Variants in DES observed in about 807,000 individuals in gnomAD.
The protein encoded by DES is desmin.
Under a neutral mutation model 55.1 loss-of-function variants are expected in DES, and 34 were observed. The observed-to-expected ratio is 0.62, with a 90% CI of 0.47 to 0.82. DES has a LOEUF of 0.82. DES is among the 40% of genes least tolerant of loss of function. The pLI is 0.00. For missense variants in DES, 596 were observed against 645.9 expected (o/e 0.92, Z 0.84); for synonymous variants, 259 against 270.8 (o/e 0.96, Z 0.43).
rs578066781 is a variant in DES, at chr2:219,418,628, G to C, written c.166G>C (p.Val56Leu). 72 of 1,601,674 alleles carry C rather than the reference G, an allele frequency of 4.5e-5. No homozygotes were observed. The African/African-American group carries it at 8.4e-4, about 19-fold the overall frequency. Residue 56 changes from valine to leucine, a missense_variant, in exon 1 of 9, where the codon GTG becomes CTG. Coordinates refer to ENST00000373960, the MANE Select transcript of DES (RefSeq NM_001927.4). ...SSSVTSRVYQ[V>L]SRTSGGAGGL... ...CTCGGTGACGTCCCGCGTGTACCAGGTGTCGCGCACGTCGGGCGGGGCCGG... is the reference window on the plus strand; with the variant it reads ...CTCGGTGACGTCCCGCGTGTACCAGCTGTCGCGCACGTCGGGCGGGGCCGG...
intron 6 of DES, among the ~76,000 whole-genome samples, chr2:219,422,631 A>AT (rs971142144): frequency 6.6e-6 from 1 of 151,778 alleles, no homozygotes; most frequent in African/African-American, 2.4e-5. Context: ...CACTCAGCTG[A>AT]TTTTTTGTAT....
Position 219,425,989 on chromosome 2 carries a change from A to G in DES, c.1412A>G (p.Ter471=). ...ACACAGCAGCAGCATGAAGTGCTCT[A>G]AAGACAGAGACCCTCTGCCACCAGA... ...EATQQQHEVL[*] is the part of the protein sequence containing the mutation. The change falls in exon 9 of 9, where the codon TAA becomes TGA. Residue 471 remains the stop codon, a stop_retained_variant. Transcript: ENST00000373960. The G allele has an allele frequency of 6.2e-7, 1 of 1,613,950 alleles. No individual in the cohort carries two copies. Among genetic ancestry groups the G allele is most frequent in the Non-Finnish European group, 8.5e-7 (1 of 1,179,962 alleles).
rs368453327 is a variant in DES, at chr2:219,420,925, C to T, written c.995C>T (p.Thr332Ile). 6.8e-6 allele frequency: 11 copies of T among 1,613,608 alleles called. No individual in the cohort carries two copies. The highest frequency in any genetic ancestry group is 9.3e-6 in the Non-Finnish European group (11 of 1,179,688). ...TACCGACACCAGATCCAGTCCTACA[C>T]CTGCGAGATTGACGCCCTGAAGGGC... ...MEYRHQIQSY[T>I]CEIDALKGTN... The change falls in exon 5 of 9, where the codon ACC (threonine) becomes ATC (isoleucine). Residue 332 changes from threonine to isoleucine, a missense_variant. Coordinates refer to ENST00000373960, the MANE Select transcript of DES (RefSeq NM_001927.4). This position sits in a 1 kb window ranked among gnomAD's most constrained non-coding sequence, Gnocchi z 6.0.
rs375709017 is a variant in DES at position 219,420,853 on chromosome 2, A to G, written c.923A>G (p.Asn308Ser). 1 of 1,613,566 alleles carries G rather than the reference A, an allele frequency of 6.2e-7. No homozygotes were observed. Among genetic ancestry groups the G allele is most frequent in the African/African-American group, 1.3e-5 (1 of 74,820 alleles). The change falls in exon 5 of 9, where the codon AAC (asparagine) becomes AGC (serine). Residue 308 changes from asparagine (N) to serine (S), a missense_variant. Physicochemically the swap from Asn to Ser is conservative, Grantham distance 46. Transcript: ENST00000373960. The surrounding 1 kb of genome is among the most constrained non-coding windows in gnomAD (Gnocchi z 6.0). Reference sequence around the variant, plus strand: ...GTGTCAGACCTGACCCAGGCAGCCAACAAGAACAACGACGCCCTGCGCCAG... The same window carrying G: ...GTGTCAGACCTGACCCAGGCAGCCAGCAAGAACAACGACGCCCTGCGCCAG... ...SKVSDLTQAA[N>S]KNNDALRQAK...
chr2:219,420,378 G>A lies in DES; in HGVS notation c.735+32G>A. On this transcript the variant is annotated intron_variant, in intron 3 of 8. Transcript: ENST00000373960. The surrounding 1 kb of genome is among the most constrained non-coding windows in gnomAD (Gnocchi z 6.0). ...CTTGGCCCCTCTTCCTGGGGTCACTGGGCCATGGGGAAAGCAGCCGGAAAG... is the reference window on the plus strand; with the variant it reads ...CTTGGCCCCTCTTCCTGGGGTCACTAGGCCATGGGGAAAGCAGCCGGAAAG... 6.2e-7 allele frequency: 1 copy of A among 1,612,888 alleles called. No individual in the cohort carries two copies. The highest frequency in any genetic ancestry group is 8.5e-7 in the Non-Finnish European group (1 of 1,179,492).
chr2:219,419,017 C>A lies in DES; in HGVS notation c.555C>A (p.Asp185Glu). The A allele has an allele frequency of 6.5e-7, 1 of 1,544,084 alleles. No individual in the cohort carries two copies. The highest frequency in any genetic ancestry group is 8.7e-7 in the Non-Finnish European group (1 of 1,147,212). The stretch of plus-strand genomic sequence containing the variant: ...ACGTCGAGCGCGACAACCTGCTCGA[C>A]GACCTGCAGCGGCTCAAGGCCAAGT... ...RVDVERDNLLDDLQRLKAKLQ... is the reference protein window; with the variant it reads ...RVDVERDNLLEDLQRLKAKLQ... The change falls in exon 1 of 9, where the codon GAC becomes GAA. Residue 185 changes from aspartate to glutamate, a missense_variant. Physicochemically the swap from Asp to Glu is conservative, Grantham distance 45. Transcript: ENST00000373960. This position sits in a 1 kb window ranked among gnomAD's most constrained non-coding sequence, Gnocchi z 4.3.
At chr2:219,425,404 A>C (rs1291908722) in intron 7 of DES, 1 of 505,540 alleles carries the variant, frequency 2.0e-6, no homozygotes, top group East Asian at 3.6e-5. Flanking sequence ...ACCCTCCTGC[A>C]CCATCCTGCA....
At chr2:219,423,970 A>G (rs1322248878) in intron 7 of DES, 150 bp downstream of exon 7, 3 of 821,850 alleles carry the variant, frequency 3.7e-6, no homozygotes, top group Non-Finnish European at 6.1e-6. Context: ...CACTGCGGGT[A>G]GGTGGGGGAG....
At position 219,423,786 on chromosome 2, in the gene DES, C is replaced by G. The variant is rs1438562691; in HGVS notation, c.1254C>G (p.Leu418=). ...LLEGEESRIN[L]PIQTYSALNF... is the part of the protein sequence containing the mutation. ...GTCTCTTCCCTTTTAGGATCAATCT[C>G]CCCATCCAGACCTACTCTGCCCTCA... The change falls in exon 7 of 9, where the codon CTC becomes CTG. Residue 418 remains leucine (L), a synonymous_variant. Coordinates refer to ENST00000373960, the MANE Select transcript of DES (RefSeq NM_001927.4). 6.2e-7 allele frequency: 1 copy of G among 1,613,854 alleles called. No individual in the cohort carries two copies.
rs1482114165 is a variant in DES at position 219,420,775 on chromosome 2, C to T, written c.898-53C>T. The T allele has an allele frequency of 1.5e-5, 25 of 1,613,394 alleles. No homozygotes were observed. The highest frequency in any genetic ancestry group is 1.8e-5 in the Non-Finnish European group (21 of 1,179,974). On this transcript the variant is annotated intron_variant, in intron 4 of 8. Coordinates refer to ENST00000373960, the MANE Select transcript of DES (RefSeq NM_001927.4). This position sits in a 1 kb window ranked among gnomAD's most constrained non-coding sequence, Gnocchi z 6.0. ...GAGGCTTCATGCTCCCTTGCTCATC[C>T]CTACCCGTGCCCTGCATCCTTCTCA...
Position 219,425,748 on chromosome 2 carries a change from A to G in DES, c.1371+3A>G. The stretch of plus-strand genomic sequence containing the variant: ...CCATCGAGACACGGGATGGGGAGGT[A>G]AGTGGTCTGTCTGGGCTCCTTACCC... On this transcript the variant is annotated splice_donor_region_variant and intron_variant, in intron 8 of 8. Coordinates refer to ENST00000373960, the MANE Select transcript of DES (RefSeq NM_001927.4). 1 of 1,605,378 alleles carries G rather than the reference A, an allele frequency of 6.2e-7. No homozygotes were observed. The highest frequency in any genetic ancestry group is 1.3e-5 in the African/African-American group (1 of 74,624).
chr2:219,425,843 T>C, intron 8 of DES, 98 bp downstream of exon 8: 1 of 1,598,790 alleles, frequency 6.3e-7, no homozygotes, highest in Non-Finnish European at 8.6e-7. Flanking sequence ...GGTCCCTGGC[T>C]AGTGGGGCAA....
rs1954533392 is a variant in DES at position 219,426,167 on chromosome 2, C to T, written c.*177C>T. The T allele has an allele frequency of 5.2e-6, 4 of 767,686 alleles. No homozygotes were observed. The highest frequency in any genetic ancestry group is 8.9e-6 in the Non-Finnish European group (4 of 449,524). The allele number at this position is 767,686 out of a possible 1,614,324, so 47.6% of individuals were successfully genotyped here. On this transcript the variant is annotated 3_prime_UTR_variant, in exon 9 of 9. Transcript: ENST00000373960. The surrounding 1 kb of genome is among the most constrained non-coding windows in gnomAD (Gnocchi z 4.5). ...CCAACAGCGACATAGCCCATCCCTG[C>T]CTGGTCACAGGGCATGCCCCGGCCA...
rs903883050 is a variant in DES at position 219,418,394 on chromosome 2, C to G, written c.-69C>G. ...GGGGCCCTGTCTCCCCTCGCCGCAT[C>G]CACTCTCCGGCCGGCCGCCTGCCCG... On this transcript the variant is annotated 5_prime_UTR_variant, in exon 1 of 9. The change creates a new upstream start codon in the 5' untranslated region. Transcript: ENST00000373960. 2 of 1,473,818 alleles carry G rather than the reference C, an allele frequency of 1.4e-6. No individual in the cohort carries two copies. Among genetic ancestry groups the G allele is most frequent in the Admixed American group, 4.4e-5 (2 of 45,712 alleles). The allele number at this position is 1,473,818 out of a possible 1,614,324, so 91.3% of individuals were successfully genotyped here.
Position 219,420,670 on chromosome 2 carries a change from C to T in DES, c.897+14C>T, listed in dbSNP as rs1354669863. 7 of 1,614,040 alleles carry T rather than the reference C, an allele frequency of 4.3e-6. No homozygotes were observed. Among genetic ancestry groups the T allele is most frequent in the South Asian group, 2.2e-5 (2 of 91,072 alleles). ...TACAAGTCGAAGGTGGGTGGCCTCG[C>T]CCGGGGACTGGCATCTCCGTCCCCC... is the stretch of plus-strand genomic sequence containing the variant. On this transcript the variant is annotated intron_variant, in intron 4 of 8. Transcript: ENST00000373960. The surrounding 1 kb of genome is among the most constrained non-coding windows in gnomAD (Gnocchi z 6.0).
At position 219,425,554 on chromosome 2, in the gene DES, T is replaced by C. The variant is rs1954519673; in HGVS notation, c.1289-109T>C. 3.4e-5 allele frequency: 31 copies of C among 909,562 alleles called. No homozygotes were observed. The South Asian group carries it at 4.4e-4, about 13-fold the overall frequency. The allele number at this position is 909,562 out of a possible 1,614,324, so 56.3% of individuals were successfully genotyped here. On this transcript the variant is annotated intron_variant, in intron 7 of 8. Coordinates refer to ENST00000373960, the MANE Select transcript of DES (RefSeq NM_001927.4). The stretch of plus-strand genomic sequence containing the variant: ...AGTAACAAGCCTGTCTTGAGGGGGG[T>C]TGGGGTCTGCTAGGGCTCTGCCCAA...
At chr2:219,421,946 G>A (rs1018151692) in intron 6 of DES, among the ~76,000 whole-genome samples, 3 of 152,126 alleles carry the variant, frequency 2.0e-5, no homozygotes, top group African/African-American at 7.2e-5. Flanking sequence ...GATTACAGGC[G>A]TGAGCCACCG....
chr2:219,421,858 G>A (rs1330024444), intron 6 of DES, among the ~76,000 whole-genome samples: 1 of 151,868 alleles, frequency 6.6e-6, no homozygotes, highest in African/African-American at 2.4e-5. Context: ...GTAGAGACGG[G>A]GTTTCACTAT....
At chr2:219,425,620 C>G in intron 7 of DES, 43 bp from the exon 8 acceptor site, 1 of 1,537,150 alleles carries the variant, frequency 6.5e-7, no homozygotes, top group Non-Finnish European at 8.8e-7. Flanking sequence ...TATAGCCCAG[C>G]CTGGACTTGG....
Sources: gnomAD v4.1 joint callset for allele counts (sites outside exome capture counted in the v4.1 genomes callset) on GRCh38, gnomAD v4.1.1 for gene constraint, Gnocchi (gnomAD v3.1) non-coding constraint, MANE v1.5 for transcripts, NCBI Gene and HGNC (gene_info 2026-07-23, HGNC 2026-07-21) for gene names.